Variants in CLIP2 observed in about 807,000 individuals in gnomAD.
The protein encoded by CLIP2 is CAP-Gly domain-containing linker protein 2.
In CLIP2, 41 loss-of-function variants were observed where a neutral mutation model predicts 111.7. The observed-to-expected ratio is 0.37, with a 90% CI of 0.29 to 0.48. The LOEUF is 0.48. Ranked by LOEUF, CLIP2 falls within the 20% of genes least tolerant of loss-of-function variation. The probability of loss-of-function intolerance (pLI) is 0.99; values close to 1 mark genes in which losing one functional copy is unlikely to be tolerated. For synonymous variants in CLIP2, 660 were observed against 644.2 expected (o/e 1.02, Z -0.37); for missense variants, 1,160 against 1,422.1 (o/e 0.82, Z 2.96).
At chr7:74,309,241 C>T (rs537999976) in intron 1 of CLIP2, among the ~76,000 whole-genome samples, 56 of 151,180 alleles carry the variant, frequency 3.7e-4, no homozygotes, top group African/African-American at 1.3e-3. Flanking sequence ...TTGGGGAGGC[C>T]AATGCAGGTG....
intron 8 of CLIP2, among the ~76,000 whole-genome samples, chr7:74,370,324 C>T (rs1351525522): frequency 6.7e-6 from 1 of 149,056 alleles, no homozygotes; most frequent in Non-Finnish European, 1.5e-5. Flanking sequence ...GGCGTGGTGG[C>T]GGGCGCCTGC....
intron 10 of CLIP2, 123 bp from the exon 11 acceptor site, chr7:74,380,683 C>T (rs927207749): frequency 3.9e-5 from 29 of 745,758 alleles, no homozygotes; most frequent in Admixed American, 3.3e-4. Flanking sequence ...TCCCTGAGTC[C>T]GTCACTGAGG....
At chr7:74,379,673 A>G (rs1412792978) in intron 10 of CLIP2, among the ~76,000 whole-genome samples, 1 of 151,886 alleles carries the variant, frequency 6.6e-6, no homozygotes, top group East Asian at 1.9e-4. Flanking sequence ...CTGAGGCAGG[A>G]GAATCGCTTC....
At position 74,338,510 on chromosome 7, in the gene CLIP2, G is replaced by T; in HGVS notation, c.184G>T (p.Glu62Ter). The T allele has an allele frequency of 6.2e-7, 1 of 1,610,572 alleles. No homozygotes were observed. Residue 62 changes from glutamate (E) to a stop codon, truncating the protein, a stop_gained, in exon 3 of 17, where the codon GAG becomes TAG. Transcript: ENST00000223398. LOFTEE classifies it high-confidence loss of function. This position sits in a 1 kb window ranked among gnomAD's most constrained non-coding sequence, Gnocchi z 4.3. ...CTCCCCGGCCGCAGCTGCTGCCCCC[G>T]AGAAGCCGGGCCCCAAGGCGGCGGA... ...SSSPAAAAAP[E>*]KPGPKAAEVG...
At chr7:74,387,203 C>T (rs1433836587) in intron 12 of CLIP2, among the ~76,000 whole-genome samples, 2 of 151,952 alleles carry the variant, frequency 1.3e-5, no homozygotes, top group Non-Finnish European at 2.9e-5. Flanking sequence ...ATCCCAGGTT[C>T]CCTCTTTCTG....
intron 15 of CLIP2, 79 bp downstream of exon 15, chr7:74,400,634 C>G (rs1791593280): frequency 2.9e-6 from 4 of 1,371,436 alleles, no homozygotes; most frequent in Non-Finnish European, 2.9e-6. Flanking sequence ...ATGCGGGAGG[C>G]AGCCTTGTCT....
In CLIP2 at chr7:74,293,396, G is replaced by A. The variant is rs574429958; in HGVS notation, c.-68+3662G>A. On this transcript the variant is annotated intron_variant, in intron 1 of 16. Transcript: ENST00000223398. ...CCTTCTCCTTTCCCCTACAGGCTCCGTCTCCTTGGGTTGTGAGTGTGGCTG... is the reference window on the plus strand; with the variant it reads ...CCTTCTCCTTTCCCCTACAGGCTCCATCTCCTTGGGTTGTGAGTGTGGCTG... 3.2e-4 allele frequency among the ~76,000 whole-genome samples: 49 copies of A among 152,160 alleles called. 1 individual carries two copies. The South Asian group carries it at 9.2e-3, about 28-fold the overall frequency.
At chr7:74,308,851 C>T (rs2116480505) in intron 1 of CLIP2, among the ~76,000 whole-genome samples, 1 of 151,914 alleles carries the variant, frequency 6.6e-6, no homozygotes, top group South Asian at 2.1e-4. Flanking sequence ...GCCACCATGC[C>T]CGGCCCTTTT....
Position 74,334,674 on chromosome 7 carries a change from C to T in CLIP2, c.122-3774C>T, listed in dbSNP as rs537579811. Reference sequence around the variant, plus strand: ...TGGCACCTGCCAGGCACCCACTGTGCGTGTGGTCAAGAGGGAGGGTTCTGG... The same window carrying T: ...TGGCACCTGCCAGGCACCCACTGTGTGTGTGGTCAAGAGGGAGGGTTCTGG... On this transcript the variant is annotated intron_variant, in intron 2 of 16. Transcript: ENST00000223398. Among the ~76,000 whole-genome samples the T allele has an allele frequency of 1.6e-4, 24 of 152,126 alleles. 1 individual carries two copies. In the South Asian group the frequency reaches 4.6e-3, roughly 29 times the overall value.
At chr7:74,296,663 C>G (rs183527472) in intron 1 of CLIP2, among the ~76,000 whole-genome samples, 1 of 151,290 alleles carries the variant, frequency 6.6e-6, no homozygotes, top group Admixed American at 6.6e-5. Flanking sequence ...GTGGTGTGCA[C>G]CTATAGTCCC....
intron 11 of CLIP2, among the ~76,000 whole-genome samples, chr7:74,382,837 TGA>T (rs1323546826): frequency 6.6e-6 from 1 of 151,868 alleles, no homozygotes; most frequent in African/African-American, 2.4e-5. Flanking sequence ...TTTGGGAGGC[TGA>T]GTTAGGAGTA....
At position 74,382,776 on chromosome 7, in the gene CLIP2, T is replaced by C. The variant is rs1289109895; in HGVS notation, c.2479+1913T>C. ...CTTATGGTGGTGTTGGCCATGCAGA[T>C]ATTTAAAAAATCAGGCCAGGTATGG... On this transcript the variant is annotated intron_variant, in intron 11 of 16. Transcript: ENST00000223398. Among the ~76,000 whole-genome samples, 3 of 152,010 alleles carry C rather than the reference T, an allele frequency of 2.0e-5. No individual in the cohort carries two copies. In the South Asian group the frequency reaches 6.2e-4, roughly 32 times the overall value.
intron 9 of CLIP2, 46 bp from the exon 10 acceptor site, chr7:74,375,841 G>T: frequency 7.0e-7 from 1 of 1,432,444 alleles, no homozygotes; most frequent in Non-Finnish European, 9.2e-7. Flanking sequence ...TTACCTTCCA[G>T]CCAGCCAGCC....
intron 9 of CLIP2, among the ~76,000 whole-genome samples, chr7:74,373,326 C>T (rs909063542): frequency 1.3e-5 from 2 of 151,890 alleles, no homozygotes; most frequent in Non-Finnish European, 1.5e-5. Context: ...GGTGAAACCC[C>T]ATCTCTACTA....
chr7:74,363,488 T>TG (rs1554310164), intron 7 of CLIP2, among the ~76,000 whole-genome samples: 2 of 152,174 alleles, frequency 1.3e-5, no homozygotes, highest in Admixed American at 1.3e-4. Context: ...AGGCCTGTGA[T>TG]GAGAACAAGA....
rs782086464 is a variant in CLIP2, at chr7:74,397,241, G to C, written c.2880+8G>C. The C allele has an allele frequency of 1.9e-6, 3 of 1,613,280 alleles. No homozygotes were observed. Among genetic ancestry groups the C allele is most frequent in the Admixed American group, 1.7e-5 (1 of 59,924 alleles). On this transcript the variant is annotated splice_region_variant and intron_variant, in intron 14 of 16. Transcript: ENST00000223398. The stretch of plus-strand genomic sequence containing the variant: ...GAAAAGCTGACCGGGCTGGTATGTG[G>C]GGTAGGGGTGGCCTAGGGGCAGGGG...
chr7:74,312,342 G>T (rs1240910343), intron 1 of CLIP2, among the ~76,000 whole-genome samples: 1 of 152,128 alleles, frequency 6.6e-6, no homozygotes, highest in African/African-American at 2.4e-5. Context: ...CCTGGTGGGG[G>T]GGCGGGGGTC....
intron 3 of CLIP2, among the ~76,000 whole-genome samples, chr7:74,342,341 A>G (rs550930442): frequency 6.6e-6 from 1 of 151,712 alleles, no homozygotes; most frequent in East Asian, 1.9e-4. Flanking sequence ...ACGCCATTGC[A>G]CTCCAGCCTG....
intron 13 of CLIP2, 93 bp downstream of exon 13, chr7:74,389,352 G>C (rs1791210686): frequency 7.4e-7 from 1 of 1,342,962 alleles, no homozygotes; most frequent in Non-Finnish European, 9.9e-7. Flanking sequence ...GGGGCAGAGA[G>C]GGGGATAGAG....
Sources: gnomAD v4.1 joint callset for allele counts (sites outside exome capture counted in the v4.1 genomes callset) on GRCh38, gnomAD v4.1.1 for gene constraint, Gnocchi (gnomAD v3.1) non-coding constraint, MANE v1.5 for transcripts, NCBI Gene and HGNC (gene_info 2026-07-23, HGNC 2026-07-21) for gene names.